Variants in LRP1B observed in about 807,000 individuals in gnomAD.
LRP1B encodes the protein LDL receptor related protein 1B.
In LRP1B, 217 loss-of-function variants were observed where a neutral mutation model predicts 556.6. The ratio of observed to expected loss-of-function variants is 0.39; its 90% CI spans 0.35 to 0.44. LRP1B has a LOEUF of 0.44. Ranked by LOEUF, LRP1B falls within the 20% of genes least tolerant of loss-of-function variation. LRP1B has a pLI of 1.00. For synonymous variants in LRP1B, 2,047 were observed against 1,865.8 expected (o/e 1.10, Z -2.50); for missense variants, 5,053 against 5,620.8 (o/e 0.90, Z 3.23).
chr2:141,141,061 TAAG>T (rs1701639863), intron 7 of LRP1B, among the ~76,000 whole-genome samples: 1 of 152,020 alleles, frequency 6.6e-6, no homozygotes, highest in Non-Finnish European at 1.5e-5. Context: ...GATAAGAAAT[TAAG>T]AAATAGAAAT....
At chr2:140,730,368 C>T (rs1687735911) in intron 35 of LRP1B, among the ~76,000 whole-genome samples, 3 of 152,262 alleles carry the variant, frequency 2.0e-5, no homozygotes, top group South Asian at 2.1e-4. Context: ...AGGCAATTCA[C>T]TTAGATAGCA....
In LRP1B at chr2:140,404,628, T is replaced by C. The variant is rs1026989157; in HGVS notation, c.10415-18619A>G. Among the ~76,000 whole-genome samples, 8 of 152,086 alleles carry C rather than the reference T, an allele frequency of 5.3e-5. No homozygotes were observed. The East Asian group carries it at 5.8e-4, about 11-fold the overall frequency. ...GCCTAAATGCCCTACTTAAAAGATA[T>C]AGAATGGAAGAATAGATTTTTAAAA... On this transcript the variant is annotated intron_variant, in intron 66 of 90. Coordinates refer to ENST00000389484, the MANE Select transcript of LRP1B (RefSeq NM_018557.3).
chr2:140,763,164 G>A (rs1688987843), intron 35 of LRP1B, among the ~76,000 whole-genome samples: 1 of 152,084 alleles, frequency 6.6e-6, no homozygotes, highest in Non-Finnish European at 1.5e-5. Context: ...TTAAGACACT[G>A]TGATCTGCTC....
In LRP1B at chr2:140,877,703, A is replaced by G. The variant is rs1443965703; in HGVS notation, c.4169+6114T>C. Among the ~76,000 whole-genome samples, 4 of 152,134 alleles carry G rather than the reference A, an allele frequency of 2.6e-5. No homozygotes were observed. The East Asian group carries it at 5.8e-4, about 22-fold the overall frequency. ...TTGTGTCTTATCTACCTTGACCTGG[A>G]GGCCCCCTCACTCCATTTCAAATCT... On this transcript the variant is annotated intron_variant, in intron 25 of 90. Coordinates refer to ENST00000389484, the MANE Select transcript of LRP1B (RefSeq NM_018557.3).
intron 46 of LRP1B, among the ~76,000 whole-genome samples, chr2:140,535,543 G>A (rs1361180909): frequency 6.6e-6 from 1 of 152,018 alleles, no homozygotes; most frequent in Non-Finnish European, 1.5e-5. Context: ...TTATTTAGGT[G>A]TAATTATTAC....
chr2:141,279,299 C>T (rs1464248462), intron 3 of LRP1B, among the ~76,000 whole-genome samples: 2 of 151,988 alleles, frequency 1.3e-5, no homozygotes, highest in Non-Finnish European at 2.9e-5. Context: ...GGCATATACT[C>T]AGGAGAATTC....
At chr2:140,980,199 T>C (rs898233271) in intron 18 of LRP1B, among the ~76,000 whole-genome samples, 2 of 152,164 alleles carry the variant, frequency 1.3e-5, no homozygotes, top group African/African-American at 4.8e-5. Context: ...TGACATTTCT[T>C]ATCTGAATTG....
chr2:140,313,847 C>T (rs376338239), intron 83 of LRP1B, among the ~76,000 whole-genome samples: 4 of 151,628 alleles, frequency 2.6e-5, no homozygotes, highest in East Asian at 1.9e-4. Context: ...CTCCTATTGC[C>T]GTTTATATTT....
At chr2:140,620,325 T>C (rs958138156) in intron 41 of LRP1B, among the ~76,000 whole-genome samples, 1 of 152,178 alleles carries the variant, frequency 6.6e-6, no homozygotes, top group African/African-American at 2.4e-5. Context: ...TGAGATTAAG[T>C]TGAAATTTGC....
chr2:141,085,195 A>T (rs10184623), intron 7 of LRP1B, among the ~76,000 whole-genome samples: 2,356 of 152,108 alleles, frequency 0.015, 61 homozygotes, highest in African/African-American at 0.053. Flanking sequence ...ACATATATAG[A>T]CAAACATTTT....
At chr2:141,183,316 C>T (rs1479911753) in intron 7 of LRP1B, among the ~76,000 whole-genome samples, 1 of 152,040 alleles carries the variant, frequency 6.6e-6, no homozygotes, top group African/African-American at 2.4e-5. Flanking sequence ...AAACCCGCTT[C>T]ATTTGCTATC....
chr2:140,373,574 A>G (rs971679659), intron 68 of LRP1B, among the ~76,000 whole-genome samples: 18 of 152,248 alleles, frequency 1.2e-4, no homozygotes, highest in African/African-American at 4.1e-4. Flanking sequence ...AGGGTAATGG[A>G]ATTTTAATAA....
At chr2:140,671,955 C>A (rs1188064467) in intron 41 of LRP1B, among the ~76,000 whole-genome samples, 2 of 152,150 alleles carry the variant, frequency 1.3e-5, no homozygotes, top group African/African-American at 4.8e-5. Context: ...TCATTAATAG[C>A]ATCAACTCAA....
At chr2:141,311,970 T>C (rs1441338986) in intron 3 of LRP1B, among the ~76,000 whole-genome samples, 2 of 152,152 alleles carry the variant, frequency 1.3e-5, no homozygotes, top group African/African-American at 4.8e-5. Context: ...AGGAGCAGGC[T>C]AGATGAAGCT....
At chr2:141,781,039 T>C (rs949243018) in intron 2 of LRP1B, among the ~76,000 whole-genome samples, 2 of 152,006 alleles carry the variant, frequency 1.3e-5, no homozygotes, top group African/African-American at 2.4e-5. Context: ...CATAAGAGAA[T>C]AGAGACCCAG....
intron 68 of LRP1B, among the ~76,000 whole-genome samples, chr2:140,375,645 T>A (rs527589172): frequency 6.6e-6 from 1 of 152,248 alleles, no homozygotes; most frequent in Non-Finnish European, 1.5e-5. Context: ...TTGACATAAA[T>A]AAGCATTTGA....
chr2:140,928,194 T>C (rs897196237), intron 20 of LRP1B, among the ~76,000 whole-genome samples: 3 of 152,140 alleles, frequency 2.0e-5, no homozygotes, highest in African/African-American at 7.2e-5. Flanking sequence ...AGGGAGCATA[T>C]AGGCTTTCAA....
chr2:141,547,299 A>G (rs1235611807), intron 2 of LRP1B, among the ~76,000 whole-genome samples: 2 of 152,254 alleles, frequency 1.3e-5, no homozygotes, highest in East Asian at 1.9e-4. Context: ...CTAATTTCCA[A>G]TGCTTTGGTG....
At chr2:141,411,764 G>T (rs555288761) in intron 3 of LRP1B, among the ~76,000 whole-genome samples, 8 of 152,060 alleles carry the variant, frequency 5.3e-5, no homozygotes, top group African/African-American at 1.7e-4. Flanking sequence ...GAAAATAATG[G>T]AATATAAAGC....
Sources: gnomAD v4.1 joint callset for allele counts (sites outside exome capture counted in the v4.1 genomes callset) on GRCh38, gnomAD v4.1.1 for gene constraint, MANE v1.5 for transcripts, NCBI Gene and HGNC (gene_info 2026-07-23, HGNC 2026-07-21) for gene names.